Variants in GM2A observed in about 807,000 individuals in gnomAD.
The protein encoded by GM2A is GM2 ganglioside activator.
GM2A carries 7 observed loss-of-function variants against 12.9 expected under a neutral mutation model. That is an observed-to-expected ratio of 0.54 (90% CI 0.31 to 1.02). The LOEUF (loss-of-function observed/expected upper bound fraction) is 1.02. Among genes scored for constraint, GM2A ranks in the 50% least tolerant of loss-of-function variants. The pLI, the probability that GM2A is intolerant of heterozygous loss-of-function variation, is 0.05. For synonymous variants in GM2A, 101 were observed against 96.0 expected (o/e 1.05, Z -0.30); for missense variants, 246 against 241.0 (o/e 1.02, Z -0.14).
chr5:151,269,074 G>A lies in GM2A; in HGVS notation c.*1623G>A. 1.0e-6 allele frequency: 1 copy of A among 985,510 alleles called. No individual in the cohort carries two copies. Among genetic ancestry groups the A allele is most frequent in the Non-Finnish European group, 1.2e-6 (1 of 829,962 alleles). The allele number at this position is 985,510 out of a possible 1,614,324, so 61.0% of individuals were successfully genotyped here. ...CAGATGGGAAAGAGCCTCACCAGCA[G>A]CTGCTTTTGGAGCAGGGGTCCAAGG... On this transcript the variant is annotated 3_prime_UTR_variant, in exon 4 of 4. Transcript: ENST00000357164.
At position 151,269,232 on chromosome 5, in the gene GM2A, A is replaced by T. The variant is rs191050130; in HGVS notation, c.*1781A>T. On this transcript the variant is annotated 3_prime_UTR_variant, in exon 4 of 4. Transcript: ENST00000357164. ...GCCTGGAATAGCAATAAATCTTTTT[A>T]ACTTGCGGACAGTTTCCCCTTGCCT... is the stretch of plus-strand genomic sequence containing the variant. The T allele has an allele frequency of 1.0e-6, 1 of 985,426 alleles. No homozygotes were observed. Among genetic ancestry groups the T allele is most frequent in the East Asian group, 1.1e-4 (1 of 8,820 alleles). 61.0% of individuals were successfully genotyped at this position (985,426 alleles called of 1,614,324 possible).
chr5:151,270,150 G>GT lies in GM2A; in HGVS notation c.*2700dup, dbSNP rs774921338. The GT allele has an allele frequency of 2.9e-5, 35 of 1,220,094 alleles. 1 individual carries two copies. In the East Asian group the frequency reaches 9.7e-4, roughly 34 times the overall value. The allele number at this position is 1,220,094 out of a possible 1,614,324, so 75.6% of individuals were successfully genotyped here. ...TTAAAGGTGGCATCTTCAATCGCAG[G>GT]TCAAAGCAGACTTTAATAAATGGTG... On this transcript the variant is annotated 3_prime_UTR_variant, in exon 4 of 4. Transcript: ENST00000357164.
intron 1 of GM2A, among the ~76,000 whole-genome samples, chr5:151,254,082 A>T (rs970834604): frequency 6.6e-6 from 1 of 152,142 alleles, no homozygotes; most frequent in African/African-American, 2.4e-5. Context: ...CATTTTCTTT[A>T]TGCATTCAAT....
At chr5:151,257,822 G>A (rs1024705564) in intron 1 of GM2A, among the ~76,000 whole-genome samples, 3 of 152,164 alleles carry the variant, frequency 2.0e-5, no homozygotes, top group Admixed American at 6.5e-5. Context: ...GTCTGACTCC[G>A]CATCCTGCAA....
chr5:151,264,007 GC>G (rs1753841473), intron 2 of GM2A, among the ~76,000 whole-genome samples: 1 of 152,144 alleles, frequency 6.6e-6, no homozygotes, highest in African/African-American at 2.4e-5. Flanking sequence ...CTTTTGACTT[GC>G]TCCATGGGAT....
chr5:151,267,129 A>G, intron 3 of GM2A, 167 bp from the exon 4 acceptor site: 1 of 940,510 alleles, frequency 1.1e-6, no homozygotes, highest in South Asian at 1.4e-5. Context: ...CCCTTTATCC[A>G]TAATAATCCA....
chr5:151,265,332 C>T (rs78718333), intron 2 of GM2A, among the ~76,000 whole-genome samples: 3,183 of 152,240 alleles, frequency 0.021, 90 homozygotes, highest in African/African-American at 0.074. Context: ...GACTTGAGTC[C>T]GTGGCCTGGG....
chr5:151,267,064 C>A, intron 3 of GM2A, 151 bp downstream of exon 3: 2 of 844,684 alleles, frequency 2.4e-6, no homozygotes, highest in Non-Finnish European at 3.9e-6. Context: ...CTTCCGGGAG[C>A]CTCAGTTATC....
In GM2A at chr5:151,267,918, A is replaced by G. The variant is rs1561620920; in HGVS notation, c.*467A>G. 24 of 1,138,374 alleles carry G rather than the reference A, an allele frequency of 2.1e-5. 1 individual carries two copies. Among genetic ancestry groups the G allele is most frequent in the Non-Finnish European group, 2.2e-5 (20 of 919,010 alleles). The allele number at this position is 1,138,374 out of a possible 1,614,324, so 70.5% of individuals were successfully genotyped here. ...TGAAGGGGCAAAAGTATTTGCTCTT[A>G]GTCTATTCCTCCCTTAACTTCTGTG... On this transcript the variant is annotated 3_prime_UTR_variant, in exon 4 of 4. Coordinates refer to ENST00000357164, the MANE Select transcript of GM2A (RefSeq NM_000405.5).
chr5:151,258,910 G>A (rs1300378803), intron 1 of GM2A, among the ~76,000 whole-genome samples: 3 of 152,082 alleles, frequency 2.0e-5, no homozygotes, highest in African/African-American at 4.8e-5. Context: ...AGGTGAGAGT[G>A]GGTGGGCAGA....
Position 151,269,146 on chromosome 5 carries a change from CCT to C in GM2A, c.*1696_*1697del, listed in dbSNP as rs1435616614. 2.0e-6 allele frequency: 2 copies of C among 985,312 alleles called. No homozygotes were observed. Among genetic ancestry groups the C allele is most frequent in the African/African-American group, 3.5e-5 (2 of 57,222 alleles). 61.0% of individuals were successfully genotyped at this position (985,312 alleles called of 1,614,324 possible). On this transcript the variant is annotated 3_prime_UTR_variant, in exon 4 of 4. Coordinates refer to ENST00000357164, the MANE Select transcript of GM2A (RefSeq NM_000405.5). ...CAAACTGCCTGGATTTTTCTACCAC[CCT>C]GTTACATCATAACAACTTCTGAAAC...
Position 151,268,695 on chromosome 5 carries a change from C to T in GM2A, c.*1244C>T, listed in dbSNP as rs1753947204. 3.5e-6 allele frequency: 2 copies of T among 566,314 alleles called. No homozygotes were observed. The highest frequency in any genetic ancestry group is 4.5e-6 in the Non-Finnish European group (2 of 447,960). The allele number at this position is 566,314 out of a possible 1,614,324, so 35.1% of individuals were successfully genotyped here. On this transcript the variant is annotated 3_prime_UTR_variant, in exon 4 of 4. Coordinates refer to ENST00000357164, the MANE Select transcript of GM2A (RefSeq NM_000405.5). ...AGACTCTGTCTCAAAAAAAAAGTTT[C>T]AATGTTTACTCCTAGAGAAGCCAAA... is the stretch of plus-strand genomic sequence containing the variant.
Position 151,265,752 on chromosome 5 carries a change from G to A in GM2A, c.244-979G>A, listed in dbSNP as rs112495085. ...AACGGGAGCAAAGTCATGACAGTAT[G>A]GAGGTGTGAAGTGTGTTCTAGAGCT... is the stretch of plus-strand genomic sequence containing the variant. On this transcript the variant is annotated intron_variant, in intron 2 of 3. Transcript: ENST00000357164. Among the ~76,000 whole-genome samples, 899 of 152,292 alleles carry A rather than the reference G, an allele frequency of 5.9e-3. 10 individuals are homozygous for A. The highest frequency in any genetic ancestry group is 0.02 in the African/African-American group (841 of 41,556).
rs1299458258 is a variant in GM2A at position 151,270,145 on chromosome 5, C to T, written c.*2694C>T. 3.3e-5 allele frequency: 40 copies of T among 1,224,290 alleles called. No individual in the cohort carries two copies. The highest frequency in any genetic ancestry group is 1.3e-4 in the East Asian group (4 of 31,278). 75.8% of individuals were successfully genotyped at this position (1,224,290 alleles called of 1,614,324 possible). A position where few individuals can be genotyped will look rare whatever the true frequency, so the allele number is the denominator to read the frequency against. On this transcript the variant is annotated 3_prime_UTR_variant, in exon 4 of 4. Transcript: ENST00000357164. ...AGGAGTTAAAGGTGGCATCTTCAAT[C>T]GCAGGTCAAAGCAGACTTTAATAAA...
At chr5:151,259,542 C>T (rs1277608244) in intron 1 of GM2A, among the ~76,000 whole-genome samples, 2 of 152,116 alleles carry the variant, frequency 1.3e-5, no homozygotes, top group Non-Finnish European at 2.9e-5. Flanking sequence ...GAGATTATGT[C>T]TTTTGAGTCT....
chr5:151,269,980 G>A lies in GM2A; in HGVS notation c.*2529G>A, dbSNP rs747946670. On this transcript the variant is annotated 3_prime_UTR_variant, in exon 4 of 4. Coordinates refer to ENST00000357164, the MANE Select transcript of GM2A (RefSeq NM_000405.5). ...ATGACCTCCACAGCCGTTTCCCTCT[G>A]TTGGATCTTCCAGCCTTATTCTCAA... The A allele has an allele frequency of 3.4e-5, 42 of 1,222,344 alleles. No homozygotes were observed. Among genetic ancestry groups the A allele is most frequent in the Non-Finnish European group, 4.1e-5 (40 of 982,642 alleles). The allele number at this position is 1,222,344 out of a possible 1,614,324, so 75.7% of individuals were successfully genotyped here.
intron 1 of GM2A, among the ~76,000 whole-genome samples, chr5:151,255,584 G>A (rs1057140335): frequency 2.0e-5 from 3 of 152,180 alleles, no homozygotes; most frequent in African/African-American, 4.8e-5. Context: ...TGGTGCCAAC[G>A]TGCATCTCGG....
In GM2A at chr5:151,267,363, C is replaced by G; in HGVS notation, c.494C>G (p.Thr165Ser). The change falls in exon 4 of 4, where the codon ACC (threonine) becomes AGC (serine). Residue 165 changes from threonine to serine, a missense_variant. Thr to Ser is a moderately conservative substitution (Grantham distance 58). Transcript: ENST00000357164. Reference protein sequence around the residue: ...PDLELPSWLTTGNYRIESVLS... With the variant: ...PDLELPSWLTSGNYRIESVLS... ...CTGGAGCTGCCCAGTTGGCTCACCA[C>G]CGGGAACTACCGCATAGAGAGCGTC... 6.2e-7 allele frequency: 1 copy of G among 1,614,190 alleles called. No homozygotes were observed. Among genetic ancestry groups the G allele is most frequent in the Non-Finnish European group, 8.5e-7 (1 of 1,180,020 alleles).
intron 1 of GM2A, among the ~76,000 whole-genome samples, chr5:151,256,466 A>C (rs1236870547): frequency 2.0e-5 from 3 of 152,040 alleles, no homozygotes; most frequent in African/African-American, 7.2e-5. Flanking sequence ...TTAGCCAGGC[A>C]TGGTGGCGTA....
Sources: allele counts gnomAD v4.1 joint callset (sites outside exome capture counted in the v4.1 genomes callset), GRCh38; gene constraint gnomAD v4.1.1; transcripts MANE v1.5; gene names NCBI Gene and HGNC (gene_info 2026-07-23, HGNC 2026-07-21).